The following PARD3B variants were observed in gnomAD, a reference collection of about 807,000 sequenced individuals.
The protein encoded by PARD3B is partitioning defective 3 homolog B.
Under a neutral mutation model 130.2 loss-of-function variants are expected in PARD3B, and 103 were observed. That is an observed-to-expected ratio of 0.79 (90% confidence interval 0.67 to 0.93). The LOEUF is 0.93. Among genes scored for constraint, PARD3B ranks in the 40% least tolerant of loss-of-function variants. PARD3B has a pLI of 0.00. For missense variants in PARD3B, 1,609 were observed against 1,499.2 expected, an observed-to-expected ratio of 1.07 and a Z score of -1.21; for synonymous variants, 583 against 553.2, an observed-to-expected ratio of 1.05 and a Z score of -0.76.
At chr2:205,118,037 A>C (rs1313520535) in intron 6 of PARD3B, among the ~76,000 whole-genome samples, 1 of 152,130 alleles carries the variant, frequency 6.6e-6, no homozygotes, top group African/African-American at 2.4e-5. Context: ...AAAAATCCAG[A>C]GGCCTCTTTG....
intron 2 of PARD3B, among the ~76,000 whole-genome samples, chr2:204,779,174 G>A (rs1022197261): frequency 1.3e-5 from 2 of 152,068 alleles, no homozygotes; most frequent in Non-Finnish European, 2.9e-5. Flanking sequence ...TTTCCTCAGA[G>A]ATGCCATCAT....
At chr2:204,690,720 C>T (rs2125252693) in intron 2 of PARD3B, among the ~76,000 whole-genome samples, 1 of 152,284 alleles carries the variant, frequency 6.6e-6, no homozygotes, top group Non-Finnish European at 1.5e-5. Flanking sequence ...ATGTTTTAAG[C>T]CATTGCATTT....
chr2:204,958,073 A>T (rs1367846236), intron 2 of PARD3B, among the ~76,000 whole-genome samples: 1 of 152,218 alleles, frequency 6.6e-6, no homozygotes, highest in East Asian at 1.9e-4. Flanking sequence ...CTTGACATGT[A>T]ATTAAAATAG....
In PARD3B at chr2:205,615,769, A is replaced by T. The variant is rs372502220; in HGVS notation, c.3574A>T (p.Thr1192Ser). The part of the protein sequence containing the change: ...GGSPDQYPYR[T>S]QDSRQKNPMT... ...CAGCCCAGACCAGTACCCTTACCGAACCCAGGATTCCCGGCAGAAGAACCC... is the reference window on the plus strand; with the variant it reads ...CAGCCCAGACCAGTACCCTTACCGATCCCAGGATTCCCGGCAGAAGAACCC... The change falls in exon 23 of 23, where the codon ACC becomes TCC. Residue 1192 changes from threonine to serine, a missense_variant. Thr to Ser is a moderately conservative substitution (Grantham distance 58). Transcript: ENST00000406610. 3.5e-4 allele frequency: 564 copies of T among 1,613,698 alleles called. No individual in the cohort carries two copies. The highest frequency in any genetic ancestry group is 4.5e-4 in the Non-Finnish European group (531 of 1,179,904).
intron 22 of PARD3B, among the ~76,000 whole-genome samples, chr2:205,595,745 G>A (rs1446850536): frequency 6.6e-6 from 1 of 152,166 alleles, no homozygotes; most frequent in Non-Finnish European, 1.5e-5. Flanking sequence ...AATGTAGGAT[G>A]AAATAACATC....
In PARD3B at chr2:204,690,612, C is replaced by G. The variant is rs565583511; in HGVS notation, c.222+4330C>G. 5.9e-5 allele frequency among the ~76,000 whole-genome samples: 9 copies of G among 152,222 alleles called. No homozygotes were observed. In the East Asian group the frequency reaches 1.7e-3, roughly 29 times the overall value. On this transcript the variant is annotated intron_variant, in intron 2 of 22. Coordinates refer to ENST00000406610, the MANE Select transcript of PARD3B (RefSeq NM_001302769.2). ...GAATCAGTAAGGGAATGGATTCTCC[C>G]CTAAAGCCTCCAGAGAGAACACAGT... is the stretch of plus-strand genomic sequence containing the variant.
intron 15 of PARD3B, among the ~76,000 whole-genome samples, chr2:205,226,683 C>A (rs556871918): frequency 4.1e-4 from 62 of 152,080 alleles, no homozygotes; most frequent in Non-Finnish European, 7.8e-4. Context: ...ATATGGATTT[C>A]TTTCTAGTTT....
At chr2:205,393,393 A>G (rs1386193301) in intron 18 of PARD3B, among the ~76,000 whole-genome samples, 3 of 152,210 alleles carry the variant, frequency 2.0e-5, no homozygotes, top group Non-Finnish European at 2.9e-5. Context: ...AGAAAATACT[A>G]TGACTGTGAA....
intron 2 of PARD3B, among the ~76,000 whole-genome samples, chr2:204,766,991 A>ATTTTTTTTTTTTTTTTTTTTTTTT (rs141505640): frequency 1.0e-5 from 1 of 98,676 alleles, no homozygotes; most frequent in African/African-American, 3.7e-5. Context: ...CACATTTTTT[A>ATTTTTTTTTTTTTTTTTTTTTTTT]TTTTATTTTT....
At chr2:205,157,406 T>G (rs567113487) in intron 10 of PARD3B, among the ~76,000 whole-genome samples, 2 of 152,164 alleles carry the variant, frequency 1.3e-5, no homozygotes, top group Non-Finnish European at 2.9e-5. Context: ...GAACAACATA[T>G]TGTCAAAATC....
intron 1 of PARD3B, among the ~76,000 whole-genome samples, chr2:204,571,165 G>T (rs890230505): frequency 1.3e-5 from 2 of 152,292 alleles, no homozygotes; most frequent in African/African-American, 4.8e-5. Flanking sequence ...TGGCAAAGAA[G>T]GTGAAATAGA....
In PARD3B at chr2:205,280,080, T is replaced by C. The variant is rs2041128917; in HGVS notation, c.2186-20450T>C. On this transcript the variant is annotated intron_variant, in intron 16 of 22. Coordinates refer to ENST00000406610, the MANE Select transcript of PARD3B (RefSeq NM_001302769.2). This position sits in a 1 kb window ranked among gnomAD's most constrained non-coding sequence, Gnocchi z 4.7. ...TTAGAGAAGGGTAAAAGAGTCTCTT[T>C]GTGTTAGGATTTCTTCTGTCTAAAG... is the stretch of plus-strand genomic sequence containing the variant. Among the ~76,000 whole-genome samples, 1 of 152,198 alleles carries C rather than the reference T, an allele frequency of 6.6e-6. No homozygotes were observed. Among genetic ancestry groups the C allele is most frequent in the East Asian group, 1.9e-4 (1 of 5,200 alleles).
rs1278952816 is a variant in PARD3B at position 204,738,588 on chromosome 2, G to T, written c.222+52306G>T. 2.0e-5 allele frequency among the ~76,000 whole-genome samples: 3 copies of T among 152,050 alleles called. No individual in the cohort carries two copies. The East Asian group carries it at 5.8e-4, about 29-fold the overall frequency. On this transcript the variant is annotated intron_variant, in intron 2 of 22. Coordinates refer to ENST00000406610, the MANE Select transcript of PARD3B (RefSeq NM_001302769.2). Reference sequence around the variant, plus strand: ...AGACTGAGCTGAGTTCTCTAATTAGGGTCTCACAAGGCCAAAATCGTGGTA... The same window carrying T: ...AGACTGAGCTGAGTTCTCTAATTAGTGTCTCACAAGGCCAAAATCGTGGTA...
intron 2 of PARD3B, among the ~76,000 whole-genome samples, chr2:204,746,568 C>A (rs1000427613): frequency 1.6e-4 from 24 of 152,162 alleles, no homozygotes; most frequent in African/African-American, 5.6e-4. Context: ...CTGTCTTCCA[C>A]AATGGTTGAA....
chr2:205,506,699 A>G (rs968593016), intron 21 of PARD3B, among the ~76,000 whole-genome samples: 6 of 152,224 alleles, frequency 3.9e-5, no homozygotes, highest in African/African-American at 1.4e-4. Context: ...AGTGCCATCA[A>G]TGGTCCAATA....
chr2:205,249,121 TG>T (rs2039720970), intron 16 of PARD3B, among the ~76,000 whole-genome samples: 1 of 148,622 alleles, frequency 6.7e-6, no homozygotes, highest in Non-Finnish European at 1.5e-5. Flanking sequence ...GCAATTCTCC[TG>T]CCTCAGCCTC....
chr2:205,014,033 C>T (rs1695931008), intron 3 of PARD3B, among the ~76,000 whole-genome samples: 1 of 152,168 alleles, frequency 6.6e-6, no homozygotes, highest in Admixed American at 6.5e-5. Flanking sequence ...GCTCTGCTAC[C>T]AGAATTGCCT....
chr2:205,368,881 A>G (rs1314016990), intron 18 of PARD3B, among the ~76,000 whole-genome samples: 4 of 151,582 alleles, frequency 2.6e-5, no homozygotes, highest in South Asian at 2.1e-4. Flanking sequence ...AAAACACCCC[A>G]TAACGTTGAA....
At position 205,404,717 on chromosome 2, in the gene PARD3B, G is replaced by A. The variant is rs73065020; in HGVS notation, c.2741+3594G>A. Among the ~76,000 whole-genome samples the A allele has an allele frequency of 5.2e-3, 791 of 150,924 alleles. 8 individuals carry two copies. The highest frequency in any genetic ancestry group is 0.018 in the African/African-American group (750 of 41,130). Reference sequence around the variant, plus strand: ...AAATGGAGACAAGGTCTCGCGCTACGTTGTACAGACTGGTCTCTAATTCCT... The same window carrying A: ...AAATGGAGACAAGGTCTCGCGCTACATTGTACAGACTGGTCTCTAATTCCT... On this transcript the variant is annotated intron_variant, in intron 19 of 22. Coordinates refer to ENST00000406610, the MANE Select transcript of PARD3B (RefSeq NM_001302769.2).
Sources: allele counts gnomAD v4.1 joint callset (sites outside exome capture counted in the v4.1 genomes callset), GRCh38; gene constraint gnomAD v4.1.1; non-coding constraint Gnocchi (gnomAD v3.1); transcripts MANE v1.5; gene names NCBI Gene and HGNC (gene_info 2026-07-23, HGNC 2026-07-21).